WDPCP: variants seen among roughly 807,000 people sequenced by gnomAD.
The protein encoded by WDPCP is WD repeat containing planar cell polarity effector.
In WDPCP, 71 loss-of-function variants were observed where a neutral mutation model predicts 93.1. The ratio of observed to expected loss-of-function variants is 0.76; its 90% CI spans 0.63 to 0.93. The LOEUF (loss-of-function observed/expected upper bound fraction) is 0.93. Among genes scored for constraint, WDPCP ranks in the 40% least tolerant of loss-of-function variants. WDPCP has a pLI of 0.00. For synonymous variants in WDPCP, 315 were observed against 315.0 expected (o/e 1.00, Z 0.00); for missense variants, 844 against 887.4 (o/e 0.95, Z 0.62).
At chr2:63,438,873 C>CA (rs1443074183) in intron 7 of WDPCP, among the ~76,000 whole-genome samples, 1 of 152,028 alleles carries the variant, frequency 6.6e-6, no homozygotes, top group Non-Finnish European at 1.5e-5. Context: ...TTCAATCTTT[C>CA]ATGATAATAC....
chr2:63,380,471 G>A (rs945122373), intron 11 of WDPCP, among the ~76,000 whole-genome samples: 3 of 151,942 alleles, frequency 2.0e-5, no homozygotes, highest in East Asian at 1.9e-4. Context: ...GGCGCAGTAC[G>A]GGCTCACGCC....
At chr2:63,297,097 A>G (rs1374039060) in intron 13 of WDPCP, among the ~76,000 whole-genome samples, 1 of 152,216 alleles carries the variant, frequency 6.6e-6, no homozygotes, top group African/African-American at 2.4e-5. Flanking sequence ...GCTGAAGAAG[A>G]GACCCGGAGC....
intron 12 of WDPCP, among the ~76,000 whole-genome samples, chr2:63,313,886 A>ATATTTTTTTTTTTTT: frequency 1.3e-5 from 1 of 74,502 alleles, no homozygotes; most frequent in African/African-American, 5.2e-5. Flanking sequence ...ATATATATAT[A>ATATTTTTTTTTTTTT]TTTTTTTTTT....
chr2:63,564,516 C>T (rs1706875105), intron 1 of WDPCP: 1 of 152,136 alleles, frequency 6.6e-6, no homozygotes, highest in Admixed American at 6.5e-5. Context: ...GGGGAACCTC[C>T]TTCTTACGAC....
At chr2:63,647,486 C>T (rs926199605) in intron 3 of WDPCP, among the ~76,000 whole-genome samples, 3 of 152,028 alleles carry the variant, frequency 2.0e-5, no homozygotes, top group Non-Finnish European at 2.9e-5. Context: ...GGATGAATTT[C>T]CAGAGAATTA....
intron 1 of WDPCP, among the ~76,000 whole-genome samples, chr2:63,522,628 A>T (rs1703030373): frequency 6.6e-6 from 1 of 152,174 alleles, no homozygotes; most frequent in Admixed American, 6.5e-5. Context: ...GACAAAAAGG[A>T]TGTCACCACT....
At chr2:63,471,900 A>G (rs780186990) in intron 6 of WDPCP, among the ~76,000 whole-genome samples, 4 of 152,278 alleles carry the variant, frequency 2.6e-5, no homozygotes, top group Non-Finnish European at 4.4e-5. Context: ...GAGAGCTACT[A>G]AGTCTGAAAG....
chr2:63,625,136 T>C (rs779785428), intron 3 of WDPCP, among the ~76,000 whole-genome samples: 1 of 152,238 alleles, frequency 6.6e-6, no homozygotes, highest in Non-Finnish European at 1.5e-5. Flanking sequence ...CACCCCTTCA[T>C]GCAAAAAACT....
At chr2:63,780,243 T>C (rs964785371) in intron 2 of WDPCP, among the ~76,000 whole-genome samples, 3 of 152,206 alleles carry the variant, frequency 2.0e-5, no homozygotes, top group African/African-American at 7.2e-5. Context: ...TGGCAGTCGA[T>C]GATCCTTCGA....
chr2:63,140,598 G>T (rs1406781530), intron 17 of WDPCP, among the ~76,000 whole-genome samples: 4 of 148,160 alleles, frequency 2.7e-5, no homozygotes, highest in South Asian at 2.1e-4. Context: ...TTGAGTTCTT[G>T]ATCTGATTCT....
rs181165331 is a variant in WDPCP, at chr2:63,308,225, C to T, written c.1812+5023G>A. Among the ~76,000 whole-genome samples, 23 of 152,252 alleles carry T rather than the reference C, an allele frequency of 1.5e-4. 1 individual carries two copies. The highest frequency in any genetic ancestry group is 5.1e-4 in the African/African-American group (21 of 41,546). On this transcript the variant is annotated intron_variant, in intron 13 of 17. Transcript: ENST00000272321. Reference sequence around the variant, plus strand: ...ATCTCACGCCAGTTAGAATGGTGATCATTAAAAACTCAGGACAACAGATGC... The same window carrying T: ...ATCTCACGCCAGTTAGAATGGTGATTATTAAAAACTCAGGACAACAGATGC...
chr2:63,204,479 T>G (rs1676175293), intron 14 of WDPCP, among the ~76,000 whole-genome samples: 1 of 151,598 alleles, frequency 6.6e-6, no homozygotes, highest in South Asian at 2.1e-4. Flanking sequence ...GTAGCTGGGA[T>G]TACAGGCACC....
chr2:63,321,449 A>G (rs1160707165), intron 12 of WDPCP, among the ~76,000 whole-genome samples: 2 of 150,790 alleles, frequency 1.3e-5, no homozygotes, highest in Admixed American at 1.3e-4. Flanking sequence ...AGAGCTCCTT[A>G]TTGTTACTTT....
chr2:63,745,429 G>A (rs1455780560), intron 2 of WDPCP, among the ~76,000 whole-genome samples: 2 of 152,030 alleles, frequency 1.3e-5, no homozygotes, highest in East Asian at 3.8e-4. Flanking sequence ...CTACACTGTT[G>A]GTTGATTACT....
chr2:63,702,844 T>C (rs1669080762), intron 2 of WDPCP, among the ~76,000 whole-genome samples: 1 of 152,068 alleles, frequency 6.6e-6, no homozygotes, highest in Admixed American at 6.6e-5. Flanking sequence ...TAGCATTGGG[T>C]ATATCTCCTA....
intron 12 of WDPCP, among the ~76,000 whole-genome samples, chr2:63,374,291 G>A (rs1691658319): frequency 6.6e-6 from 1 of 152,052 alleles, no homozygotes; most frequent in African/African-American, 2.4e-5. Context: ...AGAACGTTGA[G>A]TTTGCTTACT....
chr2:63,240,897 T>C (rs545680438), intron 14 of WDPCP, among the ~76,000 whole-genome samples: 2 of 152,326 alleles, frequency 1.3e-5, no homozygotes, highest in African/African-American at 4.8e-5. Context: ...TATGACTAGG[T>C]AAGTTCTGAA....
At chr2:63,259,853 A>C (rs1681476361) in intron 13 of WDPCP, among the ~76,000 whole-genome samples, 2 of 152,182 alleles carry the variant, frequency 1.3e-5, no homozygotes, top group Admixed American at 6.5e-5. Flanking sequence ...AGTATTTTGA[A>C]CTCAAATAAT....
intron 14 of WDPCP, among the ~76,000 whole-genome samples, chr2:63,234,932 C>T (rs1679251193): frequency 6.6e-6 from 1 of 152,056 alleles, no homozygotes; most frequent in Admixed American, 6.6e-5. Flanking sequence ...CATTTATTAC[C>T]ACTAATATAA....
Sources: gnomAD v4.1 joint callset for allele counts (sites outside exome capture counted in the v4.1 genomes callset) on GRCh38, gnomAD v4.1.1 for gene constraint, MANE v1.5 for transcripts, NCBI Gene and HGNC (gene_info 2026-07-23, HGNC 2026-07-21) for gene names.